LMNB1: variants seen among roughly 807,000 people sequenced by gnomAD.
The protein encoded by LMNB1 is lamin B1.
Under a neutral mutation model 67.1 loss-of-function variants are expected in LMNB1, and 23 were observed. That is an observed-to-expected ratio of 0.34 (90% confidence interval 0.25 to 0.49). The LOEUF (loss-of-function observed/expected upper bound fraction) is 0.49. Among genes scored for constraint, LMNB1 ranks in the 20% least tolerant of loss-of-function variants. The pLI is 0.99. For missense variants in LMNB1, 634 were observed against 746.5 expected (o/e 0.85, Z 1.76); for synonymous variants, 281 against 282.9 (o/e 0.99, Z 0.07).
chr5:126,794,526 A>G (rs956104811), intron 1 of LMNB1, among the ~76,000 whole-genome samples: 1 of 152,234 alleles, frequency 6.6e-6, no homozygotes, highest in Non-Finnish European at 1.5e-5. Flanking sequence ...TATAAGAGAC[A>G]TGGCATGTTG....
chr5:126,777,610 G>A lies in LMNB1; in HGVS notation c.102G>A (p.Glu34=), dbSNP rs1311518596. The change falls in exon 1 of 11, where the codon GAG becomes GAA. Residue 34 remains glutamate (E), a synonymous_variant. Transcript: ENST00000261366. ...GCCTGTCGCGGCTCCAGGAGAAGGA[G>A]GAGCTGCGCGAGCTCAATGACCGGC... ...PTRLSRLQEK[E]ELRELNDRLA... 6.5e-7 allele frequency: 1 copy of A among 1,538,536 alleles called. No individual in the cohort carries two copies. Among genetic ancestry groups the A allele is most frequent in the South Asian group, 1.2e-5 (1 of 82,738 alleles).
chr5:126,800,969 A>AATTT (rs1580536670), intron 1 of LMNB1, among the ~76,000 whole-genome samples: 3 of 60,936 alleles, frequency 4.9e-5, no homozygotes, highest in African/African-American at 1.5e-4. Flanking sequence ...ATATATATAT[A>AATTT]TATATATATA....
chr5:126,790,213 C>G (rs34740558), intron 1 of LMNB1, among the ~76,000 whole-genome samples: 15,010 of 152,184 alleles, frequency 0.099, 1,037 homozygotes, highest in East Asian at 0.28. Context: ...TCAAGTGATT[C>G]TTGTGCTTCA....
At chr5:126,834,551 A>G (rs1752205782) in intron 10 of LMNB1, among the ~76,000 whole-genome samples, 1 of 152,210 alleles carries the variant, frequency 6.6e-6, no homozygotes, top group Non-Finnish European at 1.5e-5. Flanking sequence ...AGGAATGGCA[A>G]AGAATTCATG....
At chr5:126,783,278 T>C (rs1039602761) in intron 1 of LMNB1, among the ~76,000 whole-genome samples, 2 of 152,100 alleles carry the variant, frequency 1.3e-5, no homozygotes, top group Non-Finnish European at 2.9e-5. Context: ...CTTTTTTTAA[T>C]GTACTGATTT....
intron 1 of LMNB1, among the ~76,000 whole-genome samples, chr5:126,798,242 G>A (rs911470522): frequency 2.0e-5 from 3 of 152,130 alleles, no homozygotes; most frequent in Non-Finnish European, 2.9e-5. Context: ...CACGAGGTCA[G>A]TAGTTGACCA....
chr5:126,818,382 G>A (rs1751765050), intron 5 of LMNB1, among the ~76,000 whole-genome samples: 1 of 151,898 alleles, frequency 6.6e-6, no homozygotes. Context: ...GGGATTACAG[G>A]CGCCCACCAC....
chr5:126,804,219 T>G (rs1751357501), intron 1 of LMNB1, among the ~76,000 whole-genome samples: 1 of 149,560 alleles, frequency 6.7e-6, no homozygotes, highest in Non-Finnish European at 1.5e-5. Context: ...ACTACAAATG[T>G]GTGCCACTGT....
chr5:126,782,411 A>G (rs1001282386), intron 1 of LMNB1, among the ~76,000 whole-genome samples: 2 of 152,242 alleles, frequency 1.3e-5, no homozygotes, highest in Admixed American at 1.3e-4. Context: ...TCTGAGGGAA[A>G]GATATTGTCA....
At chr5:126,801,955 A>G (rs1465791781) in intron 1 of LMNB1, among the ~76,000 whole-genome samples, 3 of 152,240 alleles carry the variant, frequency 2.0e-5, no homozygotes, top group African/African-American at 7.2e-5. Context: ...CATGTATCCT[A>G]GCCCTTCTGG....
intron 5 of LMNB1, among the ~76,000 whole-genome samples, chr5:126,813,892 C>G (rs1751638467): frequency 6.6e-6 from 1 of 151,994 alleles, no homozygotes. Flanking sequence ...CTTTGTTTTT[C>G]TTGTTGTTTT....
At chr5:126,801,323 A>G (rs904452985) in intron 1 of LMNB1, among the ~76,000 whole-genome samples, 7 of 152,090 alleles carry the variant, frequency 4.6e-5, no homozygotes, top group Non-Finnish European at 8.8e-5. Flanking sequence ...ACTTGACATA[A>G]AATGAACAGT....
chr5:126,832,533 C>T (rs760496917), intron 9 of LMNB1, among the ~76,000 whole-genome samples, 161 bp from the exon 10 acceptor site: 15 of 152,058 alleles, frequency 9.9e-5, no homozygotes, highest in African/African-American at 1.4e-4. Flanking sequence ...CTCCTGACCT[C>T]GGGTGATCTG....
chr5:126,812,951 G>A (rs938191662), intron 5 of LMNB1, among the ~76,000 whole-genome samples: 1 of 151,940 alleles, frequency 6.6e-6, no homozygotes, highest in African/African-American at 2.4e-5. Flanking sequence ...GGATGGTCTC[G>A]ATCTCCTGAC....
In LMNB1 at chr5:126,818,686, A is replaced by T. The variant is rs190245234; in HGVS notation, c.940-236A>T. ...AGAAAAATTATATGTATATTTACAGAACTTACATTTGTGGAATATGTCTTT... is the reference window on the plus strand; with the variant it reads ...AGAAAAATTATATGTATATTTACAGTACTTACATTTGTGGAATATGTCTTT... On this transcript the variant is annotated intron_variant, in intron 5 of 10. Coordinates refer to ENST00000261366, the MANE Select transcript of LMNB1 (RefSeq NM_005573.4). Among the ~76,000 whole-genome samples the T allele has an allele frequency of 1.1e-3, 163 of 152,366 alleles. 1 individual carries two copies. The highest frequency in any genetic ancestry group is 3.6e-3 in the African/African-American group (150 of 41,590).
intron 1 of LMNB1, among the ~76,000 whole-genome samples, chr5:126,786,112 C>CT (rs70997312): frequency 0.035 from 3,758 of 106,596 alleles, 165 homozygotes; most frequent in African/African-American, 0.056. Flanking sequence ...CAGACATTAT[C>CT]TTTTTTTTTT....
chr5:126,818,470 G>A (rs930259288), intron 5 of LMNB1, among the ~76,000 whole-genome samples: 42 of 152,238 alleles, frequency 2.8e-4, no homozygotes, highest in African/African-American at 9.9e-4. Flanking sequence ...TCAAACTCCT[G>A]ACCTCAGGTG....
chr5:126,810,084 G>A lies in LMNB1; in HGVS notation c.643-96G>A, dbSNP rs1200098271. On this transcript the variant is annotated intron_variant, in intron 3 of 10. Coordinates refer to ENST00000261366, the MANE Select transcript of LMNB1 (RefSeq NM_005573.4). ...CCTGAGGACAAACAGGAGGAAGTTCGTGTGTAAAACTTCAGATGGCTGTGA... is the reference window on the plus strand; with the variant it reads ...CCTGAGGACAAACAGGAGGAAGTTCATGTGTAAAACTTCAGATGGCTGTGA... 8 of 1,131,704 alleles carry A rather than the reference G, an allele frequency of 7.1e-6. No individual in the cohort carries two copies. In the East Asian group the frequency reaches 7.3e-5, roughly 10 times the overall value. The allele number at this position is 1,131,704 out of a possible 1,614,324, so 70.1% of individuals were successfully genotyped here.
chr5:126,810,983 A>C (rs1751566152), intron 4 of LMNB1, among the ~76,000 whole-genome samples: 1 of 152,238 alleles, frequency 6.6e-6, no homozygotes, highest in Non-Finnish European at 1.5e-5. Flanking sequence ...TTTGATTAAA[A>C]AGACTTTTTT....
Sources: allele counts gnomAD v4.1 joint callset (sites outside exome capture counted in the v4.1 genomes callset), GRCh38; gene constraint gnomAD v4.1.1; transcripts MANE v1.5; gene names NCBI Gene and HGNC (gene_info 2026-07-23, HGNC 2026-07-21).